The following ILDR1 variants were observed in gnomAD, a reference collection of about 807,000 sequenced individuals.
ILDR1 encodes the protein immunoglobulin like domain containing receptor 1.
ILDR1 carries 56 observed loss-of-function variants against 62.4 expected under a neutral mutation model. The observed-to-expected ratio is 0.90, with a 90% CI of 0.72 to 1.12. ILDR1 has a LOEUF of 1.12. ILDR1 is among the 50% of genes most tolerant of loss of function. The pLI, the probability that ILDR1 is intolerant of heterozygous loss-of-function variation, is 0.00. For synonymous variants in ILDR1, 284 were observed against 277.8 expected, an observed-to-expected ratio of 1.02 and a Z score of -0.22; for missense variants, 736 against 710.6, an observed-to-expected ratio of 1.04 and a Z score of -0.41.
At chr3:122,028,816 C>A in the ILDR1 span, among the ~76,000 whole-genome samples, 2 of 152,192 alleles carry the variant, frequency 1.3e-5, no homozygotes, top group Non-Finnish European at 2.9e-5. Flanking sequence ...ATTGAGTCAA[C>A]CACTTTGTTG....
the ILDR1 span, among the ~76,000 whole-genome samples, chr3:122,045,230 G>C: frequency 1.1e-4 from 17 of 149,554 alleles, no homozygotes; most frequent in African/African-American, 4.2e-4. Flanking sequence ...GAGCAGCTTT[G>C]AGTGAGATTC....
upstream of ILDR1, among the ~76,000 whole-genome samples, chr3:122,024,883 C>A (rs1467691644): frequency 1.3e-5 from 2 of 152,194 alleles, no homozygotes; most frequent in Non-Finnish European, 2.9e-5. Flanking sequence ...GTGTTTACAG[C>A]TAGCTGGCTC....
chr3:122,040,844 G>A, the ILDR1 span, among the ~76,000 whole-genome samples: 3 of 151,872 alleles, frequency 2.0e-5, no homozygotes, highest in African/African-American at 7.2e-5. Context: ...ATGACCTTGG[G>A]TCCATTCATG....
upstream of ILDR1, among the ~76,000 whole-genome samples, chr3:122,022,914 A>AAAATAAATAAAT (rs59901956): frequency 3.1e-3 from 442 of 143,382 alleles, 2 homozygotes; most frequent in African/African-American, 8.8e-3. Flanking sequence ...CTCGGTCTCG[A>AAAATAAATAAAT]AAATAAATAA....
In ILDR1 at chr3:121,988,234, T is replaced by C. The variant is rs141335434; in HGVS notation, c.*133A>G. On this transcript the variant is annotated 3_prime_UTR_variant, in exon 8 of 8. Coordinates refer to ENST00000344209, the MANE Select transcript of ILDR1 (RefSeq NM_001199799.2). ...AACTCTTGTATTTAAAATTCTTCTATTTGATTCTCAGAATCTAAGCCAAAA... is the reference window on the plus strand; with the variant it reads ...AACTCTTGTATTTAAAATTCTTCTACTTGATTCTCAGAATCTAAGCCAAAA... The C allele has an allele frequency of 8.6e-5, 66 of 768,450 alleles. No homozygotes were observed. Among genetic ancestry groups the C allele is most frequent in the Non-Finnish European group, 1.4e-4 (59 of 426,340 alleles). The allele number at this position is 768,450 out of a possible 1,614,324, so 47.6% of individuals were successfully genotyped here.
At chr3:122,055,531 A>T in the ILDR1 span, 5 of 1,611,966 alleles carry the variant, frequency 3.1e-6, no homozygotes, top group South Asian at 5.5e-5. Context: ...TTCTTTGCAG[A>T]GAAGTTATGA....
intron 1 of ILDR1, among the ~76,000 whole-genome samples, chr3:122,011,113 T>C (rs1032203878): frequency 1.3e-5 from 2 of 152,216 alleles, no homozygotes; most frequent in Non-Finnish European, 2.9e-5. Context: ...AATTAAAATA[T>C]AACTGGTGCA....
the ILDR1 span, among the ~76,000 whole-genome samples, chr3:122,028,200 G>A: frequency 6.6e-6 from 1 of 151,926 alleles, no homozygotes; most frequent in East Asian, 1.9e-4. Context: ...GCTGGGCGTG[G>A]TGGCGGGCGC....
In ILDR1 at chr3:122,008,578, CTTTTCTTTTCTTTTCT is replaced by C. The variant is rs1162010573; in HGVS notation, c.59-1433_59-1418del. On this transcript the variant is annotated intron_variant, in intron 1 of 7. Transcript: ENST00000344209. ...ACGCATTTTTTATTTCTTTTCTTTTCTTTTCTTTTCTTTTCTTTTTTTTTTTTTTTTTTGAGATAGA... is the reference window on the plus strand; with the variant it reads ...ACGCATTTTTTATTTCTTTTCTTTTCTTTTTTTTTTTTTTTTTGAGATAGA... 5.8e-5 allele frequency among the ~76,000 whole-genome samples: 8 copies of C among 138,936 alleles called. 1 individual carries two copies. Among genetic ancestry groups the C allele is most frequent in the African/African-American group, 8.6e-5 (3 of 35,030 alleles). 91.1% of individuals were successfully genotyped at this position (138,936 alleles called of 152,430 possible).
chr3:122,047,684 C>G, the ILDR1 span, among the ~76,000 whole-genome samples: 1 of 152,146 alleles, frequency 6.6e-6, no homozygotes, highest in Non-Finnish European at 1.5e-5. Context: ...TTTCCAGGTG[C>G]GTCTGTCACC....
intron 1 of ILDR1, among the ~76,000 whole-genome samples, chr3:122,018,223 G>A (rs904142695): frequency 6.6e-5 from 10 of 152,172 alleles, no homozygotes; most frequent in African/African-American, 2.4e-4. Context: ...TAAAAAGGAT[G>A]AGTTCATGTC....
chr3:122,038,693 A>G, the ILDR1 span, among the ~76,000 whole-genome samples: 5 of 152,242 alleles, frequency 3.3e-5, no homozygotes, highest in South Asian at 2.1e-4. Context: ...ATTAACTGAC[A>G]TGGAATTTAA....
In ILDR1 at chr3:121,994,326, A is replaced by G; in HGVS notation, c.647-13T>C. ...TGGCGGGCCAGGGCTGCAGGGAAAG[A>G]AGGAGAAATGCAGGCCCTCAGCCAG... On this transcript the variant is annotated splice_polypyrimidine_tract_variant and intron_variant, in intron 5 of 7. Coordinates refer to ENST00000344209, the MANE Select transcript of ILDR1 (RefSeq NM_001199799.2). 1 of 1,529,768 alleles carries G rather than the reference A, an allele frequency of 6.5e-7. No individual in the cohort carries two copies. 94.8% of individuals were successfully genotyped at this position (1,529,768 alleles called of 1,614,324 possible). A position where few individuals can be genotyped will look rare whatever the true frequency, so the allele number is the denominator to read the frequency against.
At chr3:122,038,076 T>G in the ILDR1 span, among the ~76,000 whole-genome samples, 1 of 152,196 alleles carries the variant, frequency 6.6e-6, no homozygotes, top group South Asian at 2.1e-4. Context: ...CCTGTGGAAC[T>G]GTGAATCAAT....
the ILDR1 span, among the ~76,000 whole-genome samples, chr3:122,035,515 C>A: frequency 3.9e-5 from 6 of 152,280 alleles, no homozygotes; most frequent in East Asian, 1.2e-3. Flanking sequence ...GGAGGAGAAG[C>A]CTGGTGAGAG....
chr3:122,030,410 C>G, the ILDR1 span, among the ~76,000 whole-genome samples: 1 of 151,942 alleles, frequency 6.6e-6, no homozygotes, highest in Admixed American at 6.6e-5. Flanking sequence ...ACATGCTTCT[C>G]CCCTTCCCTG....
the ILDR1 span, among the ~76,000 whole-genome samples, chr3:122,055,163 G>A: frequency 9.9e-5 from 15 of 152,102 alleles, no homozygotes; most frequent in Admixed American, 9.2e-4. Flanking sequence ...TTCAAGAGGG[G>A]AGATTTTTTA....
At chr3:122,056,312 G>T in the ILDR1 span, among the ~76,000 whole-genome samples, 12 of 152,054 alleles carry the variant, frequency 7.9e-5, no homozygotes, top group East Asian at 2.3e-3. Flanking sequence ...GGCAGCTGGC[G>T]CCAGTCACTA....
At chr3:122,028,928 A>G in the ILDR1 span, among the ~76,000 whole-genome samples, 844 of 152,314 alleles carry the variant, frequency 5.5e-3, 8 homozygotes, top group African/African-American at 0.019. Context: ...TCTTGGACAC[A>G]GGTACCTGTG....
Sources: gnomAD v4.1 joint callset for allele counts (sites outside exome capture counted in the v4.1 genomes callset) on GRCh38, gnomAD v4.1.1 for gene constraint, MANE v1.5 for transcripts, NCBI Gene and HGNC (gene_info 2026-07-23, HGNC 2026-07-21) for gene names.